Variants in BCOR observed in about 807,000 individuals in gnomAD.
BCOR encodes BCL6 corepressor, also known as BCL-6 corepressor.
BCOR carries 10 observed loss-of-function variants against 86.7 expected under a neutral mutation model. The ratio of observed to expected loss-of-function variants is 0.12; its 90% CI spans 0.07 to 0.20. The LOEUF (loss-of-function observed/expected upper bound fraction) is 0.20. Among genes scored for constraint, BCOR ranks in the 10% least tolerant of loss-of-function variants. The probability of loss-of-function intolerance (pLI) is 1.00; values close to 1 mark genes in which losing one functional copy is unlikely to be tolerated. For synonymous variants in BCOR, 611 were observed against 609.0 expected, an observed-to-expected ratio of 1.00 and a Z score of -0.05; for missense variants, 1,259 against 1,452.1, an observed-to-expected ratio of 0.87 and a Z score of 2.16.
intron 1 of BCOR, among the ~76,000 whole-genome samples, chrX:40,093,984 C>G (rs1247649307): frequency 9.0e-6 from 1 of 110,963 alleles, no homozygotes; most frequent in African/African-American, 3.3e-5. Flanking sequence ...GAATCGAGCC[C>G]GATGCACCAA....
chrX:40,100,723 AG>A (rs1425966242), upstream of BCOR, among the ~76,000 whole-genome samples: 2 of 108,669 alleles, frequency 1.8e-5, no homozygotes, highest in African/African-American at 6.7e-5. Context: ...GAAAAGAAAA[AG>A]AAAAAAAAAA....
At chrX:40,147,835 T>C (rs969356291) in intron 1 of BCOR, among the ~76,000 whole-genome samples, 4 of 112,859 alleles carry the variant, frequency 3.5e-5, no homozygotes, top group Admixed American at 1.9e-4. Context: ...TTGGCATGAC[T>C]TCCTGCCAGA....
chrX:40,158,705 C>T (rs1349524787), intron 1 of BCOR, among the ~76,000 whole-genome samples: 1 of 112,914 alleles, frequency 8.9e-6, no homozygotes, highest in African/African-American at 3.2e-5. Flanking sequence ...ACCCACCGTT[C>T]ACAGGGCGCT....
chrX:40,092,443 C>G (rs1217526017), intron 1 of BCOR, among the ~76,000 whole-genome samples: 1 of 110,401 alleles, frequency 9.1e-6, no homozygotes, highest in Non-Finnish European at 1.9e-5. Context: ...AGGCTGTCCC[C>G]GCCACGGTCT....
intron 13 of BCOR, 34 bp downstream of exon 13, chrX:40,054,222 C>A: frequency 7.6e-6 from 9 of 1,178,913 alleles, no homozygotes; most frequent in Non-Finnish European, 1.0e-5. Context: ...ACTTGTTCAC[C>A]TCCTACGGAA....
chrX:40,165,290 G>A (rs1938491366), intron 1 of BCOR, among the ~76,000 whole-genome samples: 1 of 111,865 alleles, frequency 8.9e-6, no homozygotes, highest in Non-Finnish European at 1.9e-5. Context: ...TCCCCGCCCT[G>A]CCAAATGCCA....
chrX:40,068,668 G>A (rs1050078246), intron 6 of BCOR, among the ~76,000 whole-genome samples: 4 of 112,280 alleles, frequency 3.6e-5, no homozygotes, highest in Non-Finnish European at 5.6e-5. Context: ...AAACAAAAAG[G>A]AAGGGCCCAA....
In BCOR at chrX:40,072,969, G is replaced by C. The variant is rs2147216112; in HGVS notation, c.2377C>G (p.Gln793Glu). Residue 793 changes from glutamine to glutamate, a missense_variant, in exon 4 of 15, where the codon CAA becomes GAA. Physicochemically the swap from Gln to Glu is conservative, Grantham distance 29. Transcript: ENST00000378444. ...TCGCTTTTGACAACAGTCTTCCCTT[G>C]ATTCCAGTTGGGGTTCGGCTTTAGG... Reference protein sequence around the residue: ...KNLKPNPNWNQGKTVVKSDKL... With the variant: ...KNLKPNPNWNEGKTVVKSDKL... 8.3e-7 allele frequency: 1 copy of C among 1,211,920 alleles called. No homozygotes were observed. Among genetic ancestry groups the C allele is most frequent in the East Asian group, 3.0e-5 (1 of 33,864 alleles).
At chrX:40,081,750 T>C (rs776727175) in intron 1 of BCOR, among the ~76,000 whole-genome samples, 1 of 112,419 alleles carries the variant, frequency 8.9e-6, no homozygotes, top group African/African-American at 3.2e-5. Context: ...CCCCTTTTTC[T>C]AGTAGTGGAG....
chrX:40,076,634 A>G (rs1935820884), intron 2 of BCOR, 102 bp from the exon 3 acceptor site: 1 of 629,381 alleles, frequency 1.6e-6, no homozygotes, highest in Admixed American at 2.5e-5. Flanking sequence ...CCAATTTTTA[A>G]AACTGTCCTT....
chrX:40,056,281 T>TTAAAAA (rs1169536747), intron 11 of BCOR, among the ~76,000 whole-genome samples: 2 of 61,439 alleles, frequency 3.3e-5, no homozygotes, highest in African/African-American at 6.9e-5. Flanking sequence ...TGTCACACAT[T>TTAAAAA]AAAAAAAAAA....
chrX:40,064,218 C>T (rs1205227939), intron 7 of BCOR, 118 bp downstream of exon 7: 16 of 1,066,285 alleles, frequency 1.5e-5, no homozygotes, highest in Admixed American at 4.4e-5. Context: ...CCACGGCTTC[C>T]CCTCACCGAC....
intron 6 of BCOR, among the ~76,000 whole-genome samples, chrX:40,070,385 G>A (rs1449443096): frequency 9.0e-6 from 1 of 111,705 alleles, no homozygotes; most frequent in African/African-American, 3.3e-5. Context: ...CTGCTGTAAG[G>A]ACCAAAGGGA....
At chrX:40,100,707 AAAAAAGAAAAG>A (rs1361900838), upstream of BCOR, among the ~76,000 whole-genome samples, 10 of 109,819 alleles carry the variant, frequency 9.1e-5, no homozygotes, top group Admixed American at 4.8e-4. Flanking sequence ...CTCAAAAAAA[AAAAAAGAAAAG>A]AAAAAGAAAA....
Position 40,062,139 on chromosome X carries a change from C to G in BCOR, c.4428G>C (p.Glu1476Asp), listed in dbSNP as rs1472484113. The change falls in exon 10 of 15, where the codon GAG becomes GAC. Residue 1476 changes from glutamate (E) to aspartate (D), a missense_variant and splice_region_variant. Physicochemically the swap from Glu to Asp is conservative, Grantham distance 45. Transcript: ENST00000378444. ...LLQRAARLGYEEVVLYCLENK... is the reference protein window; with the variant it reads ...LLQRAARLGYDEVVLYCLENK... Reference sequence around the variant, plus strand: ...CCAGGGAGCGCCCACAGGGACACACCTCATAGCCAAGCCTGGCTGCCCGCT... The same window carrying G: ...CCAGGGAGCGCCCACAGGGACACACGTCATAGCCAAGCCTGGCTGCCCGCT... 1 of 1,199,868 alleles carries G rather than the reference C, an allele frequency of 8.3e-7. No individual in the cohort carries two copies. Among genetic ancestry groups the G allele is most frequent in the Non-Finnish European group, 1.1e-6 (1 of 889,781 alleles).
chrX:40,091,686 A>C (rs958455537), intron 1 of BCOR, among the ~76,000 whole-genome samples: 1 of 113,661 alleles, frequency 8.8e-6, no homozygotes, highest in African/African-American at 3.2e-5. Context: ...CCCCCGGCCA[A>C]GTGCGCGCGA....
At chrX:40,165,733 TC>T (rs1284035895) in intron 1 of BCOR, among the ~76,000 whole-genome samples, 1 of 111,987 alleles carries the variant, frequency 8.9e-6, no homozygotes, top group African/African-American at 3.2e-5. Context: ...TCAGTCCAAA[TC>T]CTCTCTTCAC....
intron 1 of BCOR, among the ~76,000 whole-genome samples, chrX:40,113,609 C>A (rs1483871128): frequency 9.1e-6 from 1 of 110,290 alleles, no homozygotes; most frequent in African/African-American, 3.3e-5. Context: ...TCAGCAAGAC[C>A]GTATCGTCCA....
At chrX:40,063,184 C>G (rs1223952667) in intron 8 of BCOR, 113 bp from the exon 9 acceptor site, 4 of 515,018 alleles carry the variant, frequency 7.8e-6, no homozygotes, top group Non-Finnish European at 1.3e-5. Context: ...ACACTGATCA[C>G]TGGAGCGGCT....
Sources: allele counts gnomAD v4.1 joint callset (sites outside exome capture counted in the v4.1 genomes callset), GRCh38; gene constraint gnomAD v4.1.1; transcripts MANE v1.5; gene names NCBI Gene and HGNC (gene_info 2026-07-23, HGNC 2026-07-21).